COLEC10: variants seen among roughly 807,000 people sequenced by gnomAD.
COLEC10 encodes the protein collectin subfamily member 10.
In COLEC10, 22 loss-of-function variants were observed where a neutral mutation model predicts 28.4. That is an observed-to-expected ratio of 0.78 (90% CI 0.55 to 1.11). The LOEUF (loss-of-function observed/expected upper bound fraction) is 1.11, where lower values mean the gene tolerates loss of function less well. COLEC10 is among the 50% of genes least tolerant of loss of function. COLEC10 has a pLI of 0.00. For synonymous variants in COLEC10, 125 were observed against 116.1 expected (o/e 1.08, Z -0.49); for missense variants, 361 against 344.1 (o/e 1.05, Z -0.39).
Position 119,092,959 on chromosome 8 carries a change from T to C in COLEC10, c.292+1739T>C, listed in dbSNP as rs191136880. The stretch of plus-strand genomic sequence containing the variant: ...AATAACATGACTACTCCAGGACTCA[T>C]GTTGGAGAGTAAGCAGCAAGACTGA... On this transcript the variant is annotated intron_variant, in intron 3 of 5. Transcript: ENST00000332843. 2.6e-3 allele frequency among the ~76,000 whole-genome samples: 400 copies of C among 152,036 alleles called. 1 individual carries two copies. The highest frequency in any genetic ancestry group is 9.3e-3 in the African/African-American group (384 of 41,464).
intron 1 of COLEC10, among the ~76,000 whole-genome samples, chr8:119,073,321 G>A (rs1395485809): frequency 6.6e-6 from 1 of 152,106 alleles, no homozygotes; most frequent in Admixed American, 6.5e-5. Flanking sequence ...GGTTTTATAA[G>A]TTAACATTAG....
rs988186040 is a variant in COLEC10 at position 119,015,454 on chromosome 8, G to T, written n.235+5901G>T. Among the ~76,000 whole-genome samples, 7 of 144,932 alleles carry T rather than the reference G, an allele frequency of 4.8e-5. 2 individuals are homozygous for T. The highest frequency in any genetic ancestry group is 1.7e-4 in the African/African-American group (6 of 34,618). ...TTTCTGCTGAAGGCAGATCTTGTTA[G>T]GAAGAACAGAATTCTCTGGTGTATT... On this transcript the variant is annotated intron_variant and non_coding_transcript_variant, in intron 2 of 6. Coordinates refer to the COLEC10 transcript ENST00000521788.
intron 2 of COLEC10, among the ~76,000 whole-genome samples, chr8:119,016,302 G>A (rs1813990625): frequency 6.6e-6 from 1 of 152,066 alleles, no homozygotes; most frequent in African/African-American, 2.4e-5. Flanking sequence ...TCCTGTGTTA[G>A]TTGGCTAGAA....
chr8:119,067,263 T>G lies in COLEC10; in HGVS notation c.-19T>G, dbSNP rs762333238. 1.9e-6 allele frequency: 3 copies of G among 1,612,300 alleles called. No individual in the cohort carries two copies. In the Admixed American group the frequency reaches 5.0e-5, roughly 27 times the overall value. On this transcript the variant is annotated 5_prime_UTR_variant, in exon 1 of 6. Transcript: ENST00000332843. ...TTATTTGGCATTTCTGGGAGACCCT[T>G]TTCTGAGGAACCACAGCAATGAATG... is the stretch of plus-strand genomic sequence containing the variant.
chr8:118,989,123 G>A, the COLEC10 span, among the ~76,000 whole-genome samples: 2 of 152,112 alleles, frequency 1.3e-5, no homozygotes, highest in Non-Finnish European at 2.9e-5. Context: ...TAAGATAGCA[G>A]ACGAGAACAG....
At chr8:119,020,264 T>C (rs1814068962) in intron 2 of COLEC10, among the ~76,000 whole-genome samples, 1 of 152,168 alleles carries the variant, frequency 6.6e-6, no homozygotes, top group Non-Finnish European at 1.5e-5. Flanking sequence ...ATGATTGAAA[T>C]GGTGGTAAGA....
the COLEC10 span, among the ~76,000 whole-genome samples, chr8:118,985,407 G>A: frequency 3.2e-3 from 489 of 151,988 alleles, 6 homozygotes; most frequent in African/African-American, 9.6e-3. Context: ...ATAATTTTTC[G>A]TTCTAGTTTC....
Position 118,998,846 on chromosome 8 carries a change from CAA to C in COLEC10, n.122+3294_122+3295del, listed in dbSNP as rs567463648. On this transcript the variant is annotated intron_variant and non_coding_transcript_variant, in intron 1 of 6. Transcript: ENST00000521788. ...TGGGTGACAGAACGAGACTCCGTCT[CAA>C]AAAAAAAAAAAAAAAAAAAATTAAC... Among the ~76,000 whole-genome samples the C allele has an allele frequency of 3.3e-3, 251 of 76,606 alleles. 1 individual carries two copies. The highest frequency in any genetic ancestry group is 0.011 in the African/African-American group (197 of 18,286). The allele number at this position is 76,606 out of a possible 152,430, so 50.3% of individuals were successfully genotyped here.
upstream of COLEC10, among the ~76,000 whole-genome samples, chr8:119,062,510 C>T (rs376044868): frequency 9.9e-5 from 15 of 151,328 alleles, no homozygotes; most frequent in African/African-American, 3.4e-4. Flanking sequence ...GACGGAGTCT[C>T]ACTCTGTTGC....
chr8:118,995,195 G>T (rs1813569316), upstream of COLEC10, among the ~76,000 whole-genome samples: 2 of 152,180 alleles, frequency 1.3e-5, no homozygotes, highest in African/African-American at 4.8e-5. Flanking sequence ...CAGCAAAGGT[G>T]TAGGTCTTTC....
At chr8:118,968,532 G>A in the COLEC10 span, among the ~76,000 whole-genome samples, 2 of 151,778 alleles carry the variant, frequency 1.3e-5, no homozygotes, top group Admixed American at 6.6e-5. Context: ...AGCAGTGGGA[G>A]CATCCCAGAA....
At chr8:119,059,476 T>A (rs184568183) in intron 2 of COLEC10, among the ~76,000 whole-genome samples, 1 of 152,206 alleles carries the variant, frequency 6.6e-6, no homozygotes, top group East Asian at 1.9e-4. Context: ...GAACATTTAG[T>A]TGTCTTGGTA....
At chr8:118,969,842 A>G in the COLEC10 span, among the ~76,000 whole-genome samples, 30,681 of 151,876 alleles carry the variant, frequency 0.2, 3,268 homozygotes, top group East Asian at 0.32. Context: ...TCAAAGGTTT[A>G]TGAGAGTTTT....
intron 1 of COLEC10, among the ~76,000 whole-genome samples, chr8:119,004,660 T>A (rs889213083): frequency 6.6e-6 from 1 of 151,714 alleles, no homozygotes; most frequent in Admixed American, 6.6e-5. Flanking sequence ...CTTCAAACTC[T>A]ACATAGCCAA....
At chr8:118,958,217 G>T in the COLEC10 span, among the ~76,000 whole-genome samples, 10 of 152,132 alleles carry the variant, frequency 6.6e-5, no homozygotes, top group African/African-American at 9.7e-5. Flanking sequence ...GGCCTTTAAG[G>T]GTTCATATTT....
chr8:118,971,288 G>A, the COLEC10 span, among the ~76,000 whole-genome samples: 1 of 151,898 alleles, frequency 6.6e-6, no homozygotes, highest in Non-Finnish European at 1.5e-5. Context: ...TCCTTGCAAG[G>A]TCACCTCTGG....
At chr8:119,020,331 A>G (rs775684750) in intron 2 of COLEC10, among the ~76,000 whole-genome samples, 1 of 152,160 alleles carries the variant, frequency 6.6e-6, no homozygotes, top group Admixed American at 6.6e-5. Context: ...TTTGAGCCCA[A>G]CTGTTTACCA....
chr8:119,106,255 C>A lies in COLEC10; in HGVS notation c.*64C>A. ...GTCATTACAGTTATTGTTATCCATC[C>A]TTTTTTTCCTGATTGTACTACATTT... On this transcript the variant is annotated 3_prime_UTR_variant, in exon 6 of 6. Coordinates refer to ENST00000332843, the MANE Select transcript of COLEC10 (RefSeq NM_006438.5). The A allele has an allele frequency of 6.7e-7, 1 of 1,490,804 alleles. No individual in the cohort carries two copies. Among genetic ancestry groups the A allele is most frequent in the Non-Finnish European group, 9.0e-7 (1 of 1,106,668 alleles). 92.3% of individuals were successfully genotyped at this position (1,490,804 alleles called of 1,614,324 possible).
intron 2 of COLEC10, among the ~76,000 whole-genome samples, chr8:119,017,695 A>G (rs1814019029): frequency 6.6e-6 from 1 of 152,188 alleles, no homozygotes. Context: ...GTGATTTTAA[A>G]TAATTAATTG....
Sources: gnomAD v4.1 joint callset for allele counts (sites outside exome capture counted in the v4.1 genomes callset) on GRCh38, gnomAD v4.1.1 for gene constraint, MANE v1.5 for transcripts, NCBI Gene and HGNC (gene_info 2026-07-23, HGNC 2026-07-21) for gene names.